The following KIZ variants were observed in gnomAD, a reference collection of about 807,000 sequenced individuals.
The protein encoded by KIZ is kizuna centrosomal protein.
Under a neutral mutation model 79.6 loss-of-function variants are expected in KIZ, and 68 were observed. The ratio of observed to expected loss-of-function variants is 0.85; its 90% CI spans 0.70 to 1.05. The LOEUF (loss-of-function observed/expected upper bound fraction) is 1.05, where lower values mean the gene tolerates loss of function less well. Among genes scored for constraint, KIZ ranks in the 50% least tolerant of loss-of-function variants. KIZ has a pLI of 0.00. For synonymous variants in KIZ, 280 were observed against 281.8 expected (o/e 0.99, Z 0.06); for missense variants, 797 against 800.4 (o/e 1.00, Z 0.05).
chr20:21,161,843 T>G (rs2033674766), intron 4 of KIZ, 28 bp from the exon 5 acceptor site: 2 of 1,558,142 alleles, frequency 1.3e-6, no homozygotes, highest in East Asian at 4.5e-5. Flanking sequence ...CACAGTATGT[T>G]TAACTCACAT....
chr20:21,212,345 T>A lies in KIZ; in HGVS notation c.1447-2190T>A, dbSNP rs555791003. Among the ~76,000 whole-genome samples, 117 of 152,332 alleles carry A rather than the reference T, an allele frequency of 7.7e-4. 3 individuals carry two copies. In the South Asian group the frequency reaches 0.024, roughly 31 times the overall value. On this transcript the variant is annotated intron_variant, in intron 7 of 12. Coordinates refer to ENST00000619189, the MANE Select transcript of KIZ (RefSeq NM_018474.6). The stretch of plus-strand genomic sequence containing the variant: ...AACTTACAATGGTTCAACTTACAAT[T>A]TTTTGATTTTACAGTGGTGTGAAAG...
chr20:21,146,199 T>G (rs1487234866), intron 4 of KIZ, among the ~76,000 whole-genome samples: 1 of 152,194 alleles, frequency 6.6e-6, no homozygotes, highest in African/African-American at 2.4e-5. Flanking sequence ...ACCGTAGATG[T>G]TTTCTTCACT....
intron 6 of KIZ, among the ~76,000 whole-genome samples, chr20:21,193,494 C>T (rs1030676070): frequency 3.3e-5 from 5 of 152,010 alleles, no homozygotes; most frequent in African/African-American, 9.7e-5. Context: ...ACCCAGCCAT[C>T]CCATTACTGG....
intron 2 of KIZ, among the ~76,000 whole-genome samples, chr20:21,135,045 T>G (rs970592113): frequency 1.3e-5 from 2 of 152,288 alleles, no homozygotes; most frequent in Admixed American, 1.3e-4. Context: ...GGTTGCCCGG[T>G]GTGTAGAAGT....
intron 4 of KIZ, among the ~76,000 whole-genome samples, chr20:21,150,025 G>A (rs2033040992): frequency 6.6e-6 from 1 of 152,224 alleles, no homozygotes; most frequent in African/African-American, 2.4e-5. Flanking sequence ...ATCACTCATA[G>A]CACCTGGTGC....
At position 21,234,358 on chromosome 20, in the gene KIZ, A is replaced by C. The variant is rs538749098; in HGVS notation, c.1880+1528A>C. ...TCATCCCCTTTAAGAAAACAAAAAA[A>C]AAAACCACACAAAAAGGCCTTGAAG... On this transcript the variant is annotated intron_variant, in intron 11 of 12. Coordinates refer to ENST00000619189, the MANE Select transcript of KIZ (RefSeq NM_018474.6). Among the ~76,000 whole-genome samples the C allele has an allele frequency of 1.2e-3, 185 of 151,560 alleles. 7 individuals carry two copies. The East Asian group carries it at 0.033, about 27-fold the overall frequency.
In KIZ at chr20:21,205,511, C is replaced by T. The variant is rs1319636779; in HGVS notation, c.1373C>T (p.Ser458Leu). ...PTREPGQTPD[S>L]DVPRAQVGQH... Reference sequence around the variant, plus strand: ...TATAGACCTGGACAAACACCAGACTCAGACGTACCGAGGGCACAGGTGGGT... The same window carrying T: ...TATAGACCTGGACAAACACCAGACTTAGACGTACCGAGGGCACAGGTGGGT... Residue 458 changes from serine (S) to leucine (L), a missense_variant, in exon 7 of 13, where the codon TCA (serine) becomes TTA (leucine). Transcript: ENST00000619189. 1.3e-6 allele frequency: 2 copies of T among 1,534,478 alleles called. No homozygotes were observed. Among genetic ancestry groups the T allele is most frequent in the South Asian group, 2.3e-5 (2 of 85,368 alleles).
chr20:21,235,309 C>T (rs1258073143), intron 11 of KIZ, among the ~76,000 whole-genome samples: 1 of 152,102 alleles, frequency 6.6e-6, no homozygotes, highest in Non-Finnish European at 1.5e-5. Flanking sequence ...TAATAGAATC[C>T]GATGTTTATT....
At chr20:21,243,614 C>T (rs1440629591) in intron 11 of KIZ, among the ~76,000 whole-genome samples, 1 of 152,158 alleles carries the variant, frequency 6.6e-6, no homozygotes, top group East Asian at 1.9e-4. Context: ...TGCAAAAGCT[C>T]CTGAAAAGGC....
At chr20:21,246,393 T>TAACC in intron 12 of KIZ, 86 bp from the exon 13 acceptor site, 1 of 805,266 alleles carries the variant, frequency 1.2e-6, no homozygotes, top group Admixed American at 2.2e-5. Flanking sequence ...ACACTCTGCT[T>TAACC]AACCAGTCCT....
intron 4 of KIZ, among the ~76,000 whole-genome samples, chr20:21,158,211 G>T (rs987558349): frequency 1.3e-5 from 2 of 152,212 alleles, no homozygotes; most frequent in African/African-American, 4.8e-5. Context: ...AGAAGACACA[G>T]TATATTATGA....
chr20:21,188,669 C>CATTTT (rs1371617473), intron 6 of KIZ, among the ~76,000 whole-genome samples: 1 of 119,804 alleles, frequency 8.3e-6, no homozygotes, highest in Non-Finnish European at 1.8e-5. Flanking sequence ...ATCTGTTTTG[C>CATTTT]ATTTTATTTT....
chr20:21,164,769 A>G (rs894814068), intron 6 of KIZ, among the ~76,000 whole-genome samples: 24 of 151,802 alleles, frequency 1.6e-4, no homozygotes, highest in African/African-American at 3.6e-4. Context: ...GAGTTTTGGC[A>G]TATAGTTTTC....
intron 6 of KIZ, among the ~76,000 whole-genome samples, chr20:21,172,791 A>G (rs2034268414): frequency 1.3e-5 from 2 of 152,150 alleles, no homozygotes; most frequent in Non-Finnish European, 2.9e-5. Context: ...ACTTAACCTC[A>G]TCTGTTCTTT....
intron 9 of KIZ, among the ~76,000 whole-genome samples, chr20:21,221,078 G>A (rs1042372207): frequency 2.6e-5 from 4 of 152,096 alleles, no homozygotes; most frequent in African/African-American, 9.7e-5. Flanking sequence ...TACTATGTAG[G>A]TCAGTTTGCC....
chr20:21,193,709 C>G (rs2035212236), intron 6 of KIZ, among the ~76,000 whole-genome samples: 1 of 151,608 alleles, frequency 6.6e-6, no homozygotes, highest in Non-Finnish European at 1.5e-5. Flanking sequence ...TTTGTAGGGA[C>G]ATGGATGAAA....
intron 1 of KIZ, among the ~76,000 whole-genome samples, chr20:21,128,582 T>A (rs966961826): frequency 1.3e-5 from 2 of 152,216 alleles, no homozygotes; most frequent in Admixed American, 6.5e-5. Flanking sequence ...GTAGATGTAA[T>A]TTTATCGTCT....
At chr20:21,148,526 C>A (rs893669246) in intron 4 of KIZ, among the ~76,000 whole-genome samples, 3 of 152,148 alleles carry the variant, frequency 2.0e-5, no homozygotes, top group African/African-American at 7.2e-5. Flanking sequence ...AGGCACATTT[C>A]AAGCCCCACT....
intron 11 of KIZ, among the ~76,000 whole-genome samples, chr20:21,241,977 A>G (rs534010534): frequency 1.3e-5 from 2 of 152,302 alleles, no homozygotes; most frequent in South Asian, 4.1e-4. Context: ...CAAGTATTAT[A>G]TAATTGAATA....
Sources: allele counts gnomAD v4.1 joint callset (sites outside exome capture counted in the v4.1 genomes callset), GRCh38; gene constraint gnomAD v4.1.1; transcripts MANE v1.5; gene names NCBI Gene and HGNC (gene_info 2026-07-23, HGNC 2026-07-21).